BARHL2: variants seen among roughly 807,000 people sequenced by gnomAD.
BARHL2 encodes the protein BarH like homeobox 2.
In BARHL2, 10 loss-of-function variants were observed where a neutral mutation model predicts 27.1. The observed-to-expected ratio is 0.37, with a 90% CI of 0.23 to 0.63. BARHL2 has a LOEUF of 0.63. Among genes scored for constraint, BARHL2 ranks in the 20% least tolerant of loss-of-function variants. The pLI is 0.65. For synonymous variants in BARHL2, 248 were observed against 224.7 expected, an observed-to-expected ratio of 1.10 and a Z score of -0.93; for missense variants, 483 against 533.5, an observed-to-expected ratio of 0.91 and a Z score of 0.93.
At chr1:90,712,771 G>T in intron 2 of BARHL2, 147 bp from the exon 3 acceptor site, 1 of 822,156 alleles carries the variant, frequency 1.2e-6, no homozygotes, top group Non-Finnish European at 1.9e-6. Context: ...AACTGGCAAT[G>T]CACCACATCT....
intron 1 of BARHL2, among the ~76,000 whole-genome samples, chr1:90,714,977 AG>A (rs1009776466): frequency 6.6e-6 from 1 of 152,164 alleles, no homozygotes; most frequent in African/African-American, 2.4e-5. Flanking sequence ...GAGTTTCTAA[AG>A]GGGGTCTAAA....
Position 90,716,680 on chromosome 1 carries a change from C to G in BARHL2, c.516G>C (p.Lys172Asn), listed in dbSNP as rs1658151645. ...TCTCGTGCACTGCGTTGCTCTCCTG[C>G]TTCGGGGTGTGGTGGGGAGAGGATA... The part of the protein sequence containing the change: ...TSVSSPHHTP[K>N]QESNAVHESF... The change falls in exon 1 of 3, where the codon AAG becomes AAC. Residue 172 changes from lysine (K) to asparagine (N), a missense_variant. Lys to Asn is a moderately conservative substitution (Grantham distance 94, BLOSUM62 0). This residue lies in a region of BARHL2 where 304 missense variants were observed against 284.9 expected (regional missense o/e 1.07). Transcript: ENST00000370445. 2 of 1,613,114 alleles carry G rather than the reference C, an allele frequency of 1.2e-6. No individual in the cohort carries two copies. Among genetic ancestry groups the G allele is most frequent in the Admixed American group, 1.7e-5 (1 of 59,874 alleles).
chr1:90,717,024 C>G lies in BARHL2; in HGVS notation c.172G>C (p.Val58Leu), dbSNP rs150916366. 1 of 1,613,860 alleles carries G rather than the reference C, an allele frequency of 6.2e-7. No individual in the cohort carries two copies. The highest frequency in any genetic ancestry group is 1.1e-5 in the South Asian group (1 of 91,016). Residue 58 changes from valine to leucine, a missense_variant, in exon 1 of 3, where the codon GTA becomes CTA. By Grantham distance (32) the Val-to-Leu change is conservative. Coordinates refer to ENST00000370445, the MANE Select transcript of BARHL2 (RefSeq NM_020063.2). The stretch of plus-strand genomic sequence containing the variant: ...ATAGGAGAAGAAGGCGCCGTCCCTA[C>G]GGTATCAATCTCCGAACAGGGAGAT... ...TPSPCSEIDT[V>L]GTAPSSPISV... is the part of the protein sequence containing the mutation.
rs771363898 is a variant in BARHL2, at chr1:90,716,845, T to TGGCGGCAGCGGCTGCTGC, written c.333_350dup (p.Leu115_Pro120dup). 1.9e-6 allele frequency: 3 copies of TGGCGGCAGCGGCTGCTGC among 1,553,704 alleles called. No individual in the cohort carries two copies. Among genetic ancestry groups the TGGCGGCAGCGGCTGCTGC allele is most frequent in the South Asian group, 1.2e-5 (1 of 85,208 alleles). ...GGGGGGGCGGCGGCGGCGGCTGCTGTGGCGGCAGCGGCTGCTGCTGTTGGG... is the reference window on the plus strand; with the variant it reads ...GGGGGGGCGGCGGCGGCGGCTGCTGTGGCGGCAGCGGCTGCTGCGGCGGCAGCGGCTGCTGCTGTTGGG... On this transcript the variant is annotated inframe_insertion, in exon 1 of 3. Coordinates refer to ENST00000370445, the MANE Select transcript of BARHL2 (RefSeq NM_020063.2).
intron 1 of BARHL2, among the ~76,000 whole-genome samples, chr1:90,715,699 A>G (rs1658129281): frequency 1.3e-5 from 2 of 152,348 alleles, no homozygotes; most frequent in South Asian, 4.1e-4. Flanking sequence ...CAATAATAAT[A>G]AACAATGTGT....
At chr1:90,716,510 G>A (rs558196712) in intron 1 of BARHL2, 61 bp downstream of exon 1, 4 of 1,539,592 alleles carry the variant, frequency 2.6e-6, no homozygotes, top group East Asian at 2.2e-5. Context: ...AAGGCTGAAG[G>A]GGAGATTGGG....
intron 1 of BARHL2, among the ~76,000 whole-genome samples, chr1:90,715,115 T>A (rs1658117280): frequency 6.6e-6 from 1 of 152,132 alleles, no homozygotes; most frequent in Admixed American, 6.5e-5. Context: ...TCTTTATTGT[T>A]TTCAGTATGA....
intron 2 of BARHL2, among the ~76,000 whole-genome samples, chr1:90,713,013 C>A (rs558484432): frequency 8.5e-5 from 13 of 152,270 alleles, no homozygotes; most frequent in African/African-American, 2.9e-4. Flanking sequence ...TCCCCTTCCA[C>A]ATCTCCCAAC....
intron 1 of BARHL2, among the ~76,000 whole-genome samples, chr1:90,715,526 T>C (rs964788862): frequency 6.6e-6 from 1 of 152,156 alleles, no homozygotes; most frequent in East Asian, 1.9e-4. Flanking sequence ...GGAAGAACAA[T>C]AATCTCTCTA....
Position 90,716,923 on chromosome 1 carries a change from G to A in BARHL2, c.273C>T (p.Ser91=), listed in dbSNP as rs1658161778. The A allele has an allele frequency of 6.2e-7, 1 of 1,608,926 alleles. No individual in the cohort carries two copies. Among genetic ancestry groups the A allele is most frequent in the Admixed American group, 1.7e-5 (1 of 59,376 alleles). The change falls in exon 1 of 3, where the codon AGC becomes AGT. Residue 91 remains serine (S), a synonymous_variant. Transcript: ENST00000370445. ...ATQHHHHLHH[S]QQPPPPAAAP... is the part of the protein sequence containing the mutation. ...CCGCGGCCGGCGGCGGCGGCTGCTG[G>A]CTGTGGTGGAGGTGGTGATGATGCT...
intron 1 of BARHL2, among the ~76,000 whole-genome samples, chr1:90,715,846 T>C (rs1219076374): frequency 1.4e-5 from 2 of 144,648 alleles, no homozygotes; most frequent in East Asian, 1.9e-4. Context: ...ATCTTATTTT[T>C]TTTTTAACAA....
chr1:90,712,055 T>C lies in BARHL2; in HGVS notation c.*257A>G, dbSNP rs1381096401. The C allele has an allele frequency of 2.6e-6, 1 of 381,112 alleles. No homozygotes were observed. The highest frequency in any genetic ancestry group is 4.6e-6 in the Non-Finnish European group (1 of 215,142). 23.6% of individuals were successfully genotyped at this position (381,112 alleles called of 1,614,324 possible). ...CTTACTGGTTGCACTCTGTGTGGGG[T>C]CAGCATTTTCACCAGTCACACTGCT... On this transcript the variant is annotated 3_prime_UTR_variant, in exon 3 of 3. Coordinates refer to ENST00000370445, the MANE Select transcript of BARHL2 (RefSeq NM_020063.2).
Position 90,712,003 on chromosome 1 carries a change from G to T in BARHL2, c.*309C>A. 1 of 212,878 alleles carries T rather than the reference G, an allele frequency of 4.7e-6. No homozygotes were observed. Among genetic ancestry groups the T allele is most frequent in the African/African-American group, 2.4e-5 (1 of 41,876 alleles). The allele number at this position is 212,878 out of a possible 1,614,324, so 13.2% of individuals were successfully genotyped here. On this transcript the variant is annotated 3_prime_UTR_variant, in exon 3 of 3. Coordinates refer to ENST00000370445, the MANE Select transcript of BARHL2 (RefSeq NM_020063.2). Reference sequence around the variant, plus strand: ...TAAAGTCATTTTTGAAAAAGAATTTGAGGTTTTGTTTTTGTTGATGTTTTC... The same window carrying T: ...TAAAGTCATTTTTGAAAAAGAATTTTAGGTTTTGTTTTTGTTGATGTTTTC...
At position 90,712,090 on chromosome 1, in the gene BARHL2, A is replaced by C. The variant is rs2390606; in HGVS notation, c.*222T>G. 0.52 allele frequency: 218,915 copies of C among 422,016 alleles called. 58,113 individuals are homozygous for C. The highest frequency in any genetic ancestry group is 0.58 in the Admixed American group (13,898 of 24,108). 26.1% of individuals were successfully genotyped at this position (422,016 alleles called of 1,614,324 possible). A position where few individuals can be genotyped will look rare whatever the true frequency, so the allele number is the denominator to read the frequency against. ...CACCAGTCACACTGCTGTGGGGGAG[A>C]TTTCCAGCCCTGTTTCTAGGGGTGG... is the stretch of plus-strand genomic sequence containing the variant. On this transcript the variant is annotated 3_prime_UTR_variant, in exon 3 of 3. Transcript: ENST00000370445.
At chr1:90,715,588 C>CCA (rs1278872093) in intron 1 of BARHL2, among the ~76,000 whole-genome samples, 1 of 152,132 alleles carries the variant, frequency 6.6e-6, no homozygotes, top group Non-Finnish European at 1.5e-5. Context: ...CCAGACTGTA[C>CCA]ATCTGTTTTG....
At position 90,712,235 on chromosome 1, in the gene BARHL2, G is replaced by A; in HGVS notation, c.*77C>T. On this transcript the variant is annotated 3_prime_UTR_variant, in exon 3 of 3. Transcript: ENST00000370445. ...TGCAAGGGAGGCCTAGTGGCCTGGA[G>A]CAGGGAGAGGACGGGCAGCAGTCCG... The A allele has an allele frequency of 5.0e-5, 69 of 1,378,992 alleles. No homozygotes were observed. The highest frequency in any genetic ancestry group is 6.5e-5 in the Non-Finnish European group (68 of 1,054,028). The allele number at this position is 1,378,992 out of a possible 1,614,324, so 85.4% of individuals were successfully genotyped here.
chr1:90,713,629 G>GC (rs2100640637), intron 2 of BARHL2, among the ~76,000 whole-genome samples: 1 of 152,280 alleles, frequency 6.6e-6, no homozygotes, highest in South Asian at 2.1e-4. Flanking sequence ...ATTTCCAACC[G>GC]CACTTATGGA....
Position 90,716,971 on chromosome 1 carries a change from C to T in BARHL2, c.225G>A (p.Pro75=), listed in dbSNP as rs141603891. 7 of 1,613,270 alleles carry T rather than the reference C, an allele frequency of 4.3e-6. No homozygotes were observed. Among genetic ancestry groups the T allele is most frequent in the Non-Finnish European group, 5.9e-6 (7 of 1,179,702 alleles). Residue 75 remains proline, a synonymous_variant, in exon 1 of 3, where the codon CCG becomes CCA. Transcript: ENST00000370445. The part of the protein sequence containing the change: ...PISVTMEPPE[P]HLVADATQHH... ...GCTGGGTCGCGTCTGCTACCAGATG[C>T]GGCTCCGGGGGCTCCATGGTGACTG...
At position 90,716,833 on chromosome 1, in the gene BARHL2, C is replaced by CGGCGGCTGCTGT. The variant is rs773419051; in HGVS notation, c.351_362dup (p.Gln118_Pro121dup). The CGGCGGCTGCTGT allele has an allele frequency of 2.6e-6, 4 of 1,553,472 alleles. No individual in the cohort carries two copies. The South Asian group carries it at 4.7e-5, about 18-fold the overall frequency. ...AGCCCAGCTGCTGGGGGGGCGGCGGCGGCGGCTGCTGTGGCGGCAGCGGCT... is the reference window on the plus strand; with the variant it reads ...AGCCCAGCTGCTGGGGGGGCGGCGGCGGCGGCTGCTGTGGCGGCTGCTGTGGCGGCAGCGGCT... On this transcript the variant is annotated inframe_insertion, in exon 1 of 3. Coordinates refer to ENST00000370445, the MANE Select transcript of BARHL2 (RefSeq NM_020063.2).
Sources: allele counts gnomAD v4.1 joint callset (sites outside exome capture counted in the v4.1 genomes callset), GRCh38; gene constraint gnomAD v4.1.1; regional missense constraint gnomAD v4.1.1; transcripts MANE v1.5; gene names NCBI Gene and HGNC (gene_info 2026-07-23, HGNC 2026-07-21).